The following DNAH11 variants were observed in gnomAD, a reference collection of about 807,000 sequenced individuals.
DNAH11 encodes dynein axonemal heavy chain 11, also known as axonemal beta dynein heavy chain 11.
Under a neutral mutation model 526.0 loss-of-function variants are expected in DNAH11, and 442 were observed. That is an observed-to-expected ratio of 0.84 (90% CI 0.78 to 0.91). DNAH11 has a LOEUF of 0.91. Among genes scored for constraint, DNAH11 ranks in the 40% least tolerant of loss-of-function variants. The pLI, the probability that DNAH11 is intolerant of heterozygous loss-of-function variation, is 0.00. For synonymous variants in DNAH11, 2,461 were observed against 1,935.9 expected (o/e 1.27, Z -7.12); for missense variants, 6,989 against 5,448.7 (o/e 1.28, Z -8.90).
At chr7:21,770,677 A>G (rs1787400178) in intron 55 of DNAH11, among the ~76,000 whole-genome samples, 1 of 152,192 alleles carries the variant, frequency 6.6e-6, no homozygotes, top group Non-Finnish European at 1.5e-5. Context: ...TATTGCATGA[A>G]TGTTTGACTA....
chr7:21,880,427 T>G (rs1026225599), intron 74 of DNAH11, among the ~76,000 whole-genome samples: 1 of 152,234 alleles, frequency 6.6e-6, no homozygotes, highest in African/African-American at 2.4e-5. Flanking sequence ...TCAAGCAGTA[T>G]GACATGGTTA....
At chr7:21,634,580 G>A (rs900794245) in intron 25 of DNAH11, among the ~76,000 whole-genome samples, 1 of 152,166 alleles carries the variant, frequency 6.6e-6, no homozygotes. Flanking sequence ...AGGCTCCATG[G>A]CATTAAAACA....
intron 4 of DNAH11, among the ~76,000 whole-genome samples, chr7:21,560,603 A>C (rs1783413136): frequency 6.6e-6 from 1 of 152,208 alleles, no homozygotes; most frequent in Non-Finnish European, 1.5e-5. Context: ...GCATGGGAGA[A>C]GGATGAAGGC....
intron 54 of DNAH11, among the ~76,000 whole-genome samples, chr7:21,759,284 AAAAAT>A (rs1390429517): frequency 6.6e-6 from 1 of 152,228 alleles, no homozygotes; most frequent in Non-Finnish European, 1.5e-5. Context: ...TACCTCTAGC[AAAAAT>A]CTGTGATGTC....
At chr7:21,666,828 C>T (rs979774185) in intron 30 of DNAH11, among the ~76,000 whole-genome samples, 2 of 151,082 alleles carry the variant, frequency 1.3e-5, no homozygotes, top group Non-Finnish European at 2.9e-5. Context: ...CAGTAACTCA[C>T]AAGATCATGA....
chr7:21,561,469 A>G (rs1432963532), intron 5 of DNAH11: 1 of 242,064 alleles, frequency 4.1e-6, no homozygotes, highest in Admixed American at 5.5e-5. Context: ...ATAAGTCTGG[A>G]TAGAGGTTTT....
In DNAH11 at chr7:21,726,891, A is replaced by AAAAAAAAAAAAG; in HGVS notation, c.7440+907_7440+908insAAAAAAAAAAAG. 3.5e-5 allele frequency among the ~76,000 whole-genome samples: 4 copies of AAAAAAAAAAAAG among 114,748 alleles called. 2 individuals are homozygous for AAAAAAAAAAAAG. The East Asian group carries it at 1.6e-3, about 45-fold the overall frequency. 75.3% of individuals were successfully genotyped at this position (114,748 alleles called of 152,430 possible). ...AAAAAAAAAAAAAAAAAAAAAAAAA[A>AAAAAAAAAAAAG]GAATGCTTAGTGAGATGTCTGTTAT... On this transcript the variant is annotated intron_variant, in intron 45 of 81. Transcript: ENST00000409508.
In DNAH11 at chr7:21,834,260, G is replaced by T. The variant is rs77036047; in HGVS notation, c.10692-8284G>T. Among the ~76,000 whole-genome samples the T allele has an allele frequency of 3.3e-5, 5 of 151,856 alleles. No homozygotes were observed. In the East Asian group the frequency reaches 9.6e-4, roughly 29 times the overall value. On this transcript the variant is annotated intron_variant, in intron 65 of 81. Coordinates refer to ENST00000409508, the MANE Select transcript of DNAH11 (RefSeq NM_001277115.2). ...AAAAATGTACTCCTAAACAACAAAC[G>T]GGTCAAAAAGAAAAAGGAAATTAAA... is the stretch of plus-strand genomic sequence containing the variant.
At chr7:21,587,972 G>C in intron 9 of DNAH11, 92 bp from the exon 10 acceptor site, 1 of 1,211,006 alleles carries the variant, frequency 8.3e-7, no homozygotes, top group Non-Finnish European at 1.1e-6. Flanking sequence ...CTAAACTTTA[G>C]TCATGTAAGA....
intron 66 of DNAH11, among the ~76,000 whole-genome samples, chr7:21,844,129 G>A (rs1782324572): frequency 6.6e-6 from 1 of 152,174 alleles, no homozygotes. Context: ...TTAAAACACA[G>A]CCATGGCCAA....
chr7:21,588,192 C>T lies in DNAH11; in HGVS notation c.1839C>T (p.His613=), dbSNP rs1784540612. Residue 613 remains histidine, a synonymous_variant, in exon 10 of 82, where the codon CAC becomes CAT. Transcript: ENST00000409508. The part of the protein sequence containing the change: ...LDVCKQLYNE[H]MKQIECGHVV... ...TGTGTAAGCAACTGTATAATGAACA[C>T]ATGAAACAGGTAAGTGGTGGATAAG... 1 of 1,611,166 alleles carries T rather than the reference C, an allele frequency of 6.2e-7. No homozygotes were observed.
intron 69 of DNAH11, among the ~76,000 whole-genome samples, chr7:21,862,996 A>T (rs1262007639): frequency 1.4e-5 from 2 of 147,838 alleles, no homozygotes; most frequent in Non-Finnish European, 3.0e-5. Context: ...CCCAGGAGGC[A>T]GAGCTTGCAG....
At chr7:21,774,164 A>G (rs773381483) in intron 56 of DNAH11, among the ~76,000 whole-genome samples, 165 bp downstream of exon 56, 9 of 152,124 alleles carry the variant, frequency 5.9e-5, no homozygotes, top group South Asian at 4.2e-4. Flanking sequence ...AAAGCCTACA[A>G]TGGGATTGGC....
At chr7:21,806,794 G>T (rs1302992173) in intron 62 of DNAH11, among the ~76,000 whole-genome samples, 2 of 152,078 alleles carry the variant, frequency 1.3e-5, no homozygotes, top group African/African-American at 4.8e-5. Context: ...CATATTTATT[G>T]CAGTTTTATT....
chr7:21,815,085 G>C (rs563738572), intron 63 of DNAH11, among the ~76,000 whole-genome samples: 1 of 152,242 alleles, frequency 6.6e-6, no homozygotes, highest in East Asian at 1.9e-4. Flanking sequence ...AAAAGGGGGA[G>C]ATTGGTATTC....
chr7:21,558,502 A>G (rs537828328), intron 2 of DNAH11, among the ~76,000 whole-genome samples: 2 of 152,354 alleles, frequency 1.3e-5, no homozygotes, highest in South Asian at 2.1e-4. Flanking sequence ...TCATGAGGGC[A>G]GTTTACCTAC....
At chr7:21,738,928 A>T (rs1053759250) in intron 47 of DNAH11, 62 bp downstream of exon 47, 106 of 1,309,440 alleles carry the variant, frequency 8.1e-5, no homozygotes, top group Non-Finnish European at 1.1e-4. Flanking sequence ...GATAATAATT[A>T]CTATGGATGA....
rs577195037 is a variant in DNAH11 at position 21,858,909 on chromosome 7, A to C, written c.11203-2944A>C. Among the ~76,000 whole-genome samples the C allele has an allele frequency of 1.8e-4, 28 of 152,336 alleles. 2 individuals are homozygous for C. In the South Asian group the frequency reaches 2.1e-3, roughly 11 times the overall value. On this transcript the variant is annotated intron_variant, in intron 68 of 81. Coordinates refer to ENST00000409508, the MANE Select transcript of DNAH11 (RefSeq NM_001277115.2). ...CTGATTTTAAGAAAGTGTAAATATC[A>C]GGTTAGTACAGATTGAGCCTCCTAA...
chr7:21,619,291 A>G (rs1044550010), intron 24 of DNAH11, 69 bp downstream of exon 24: 1 of 1,544,098 alleles, frequency 6.5e-7, no homozygotes, highest in Non-Finnish European at 8.7e-7. Context: ...GCCAACTTAG[A>G]GAAAAGTCCT....
Sources: allele counts gnomAD v4.1 joint callset (sites outside exome capture counted in the v4.1 genomes callset), GRCh38; gene constraint gnomAD v4.1.1; transcripts MANE v1.5; gene names NCBI Gene and HGNC (gene_info 2026-07-23, HGNC 2026-07-21).